The following DMD variants were observed in gnomAD, a reference collection of about 807,000 sequenced individuals.
The protein encoded by DMD is dystrophin, also known as mutant dystrophin.
DMD carries 63 observed loss-of-function variants against 330.1 expected under a neutral mutation model. That is an observed-to-expected ratio of 0.19 (90% CI 0.16 to 0.24). DMD has a LOEUF of 0.24. DMD is among the 10% of genes least tolerant of loss of function. The pLI, the probability that DMD is intolerant of heterozygous loss-of-function variation, is 1.00. For missense variants in DMD, 3,344 were observed against 2,684.1 expected, an observed-to-expected ratio of 1.25 and a Z score of -5.43; for synonymous variants, 1,223 against 959.8, an observed-to-expected ratio of 1.27 and a Z score of -5.07.
chrX:31,613,267 C>A (rs1320252646), intron 55 of DMD, among the ~76,000 whole-genome samples: 6 of 112,031 alleles, frequency 5.4e-5, no homozygotes, highest in Non-Finnish European at 1.1e-4. Flanking sequence ...CAAAACCATT[C>A]TTGCTTTTAG....
chrX:32,158,779 A>G (rs2096839109), intron 44 of DMD, among the ~76,000 whole-genome samples: 1 of 111,775 alleles, frequency 8.9e-6, no homozygotes, highest in Non-Finnish European at 1.9e-5. Flanking sequence ...TACCACTACA[A>G]ACAGTTTGGA....
chrX:31,553,035 T>C (rs1409078332), intron 55 of DMD, among the ~76,000 whole-genome samples: 4 of 111,662 alleles, frequency 3.6e-5, no homozygotes, highest in Admixed American at 9.5e-5. Flanking sequence ...TTTCCCTTTC[T>C]TCAGAGCAGA....
intron 44 of DMD, among the ~76,000 whole-genome samples, chrX:32,050,163 C>A (rs78706613): frequency 0.21 from 23,140 of 110,621 alleles, 1,852 homozygotes; most frequent in African/African-American, 0.3. Context: ...TGTTCATAGA[C>A]TCTTGATTTT....
At chrX:31,396,168 C>T (rs918031722) in intron 60 of DMD, among the ~76,000 whole-genome samples, 13 of 102,165 alleles carry the variant, frequency 1.3e-4, no homozygotes, top group Admixed American at 5.6e-4. Context: ...GACGGAGTCT[C>T]GCTCTGTGGC....
At chrX:31,678,129 T>A (rs2082178823) in intron 53 of DMD, among the ~76,000 whole-genome samples, 1 of 112,343 alleles carries the variant, frequency 8.9e-6, no homozygotes, top group Non-Finnish European at 1.9e-5. Flanking sequence ...GAAAGCAGTC[T>A]TTATTGTGTT....
chrX:32,269,849 G>A (rs1207332942), intron 43 of DMD, among the ~76,000 whole-genome samples: 1 of 111,992 alleles, frequency 8.9e-6, no homozygotes, highest in Admixed American at 9.5e-5. Flanking sequence ...CAAATTTAAT[G>A]GAGTCCTTCC....
intron 7 of DMD, among the ~76,000 whole-genome samples, chrX:32,711,349 C>G (rs1394421536): frequency 1.8e-5 from 2 of 110,910 alleles, no homozygotes; most frequent in Non-Finnish European, 3.8e-5. Context: ...CTTGGTATAA[C>G]TATCTCAATT....
intron 1 of DMD, among the ~76,000 whole-genome samples, chrX:33,207,095 C>G (rs1231265672): frequency 9.0e-6 from 1 of 111,076 alleles, no homozygotes; most frequent in Non-Finnish European, 1.9e-5. Context: ...CATAAGACAG[C>G]AGAGCCATTT....
Position 32,468,428 on chromosome X carries a change from G to C in DMD, c.3162+70C>G, listed in dbSNP as rs1282043025. On this transcript the variant is annotated intron_variant, in intron 23 of 78. Transcript: ENST00000357033. ...GGTCAAATGCTTATGTACCTTTACAGTTTACAGTGTATCGTTAGGGAAAAA... is the reference window on the plus strand; with the variant it reads ...GGTCAAATGCTTATGTACCTTTACACTTTACAGTGTATCGTTAGGGAAAAA... The C allele has an allele frequency of 9.5e-6, 9 of 948,843 alleles. No homozygotes were observed. In the African/African-American group the frequency reaches 1.4e-4, roughly 14 times the overall value. 78.2% of individuals were successfully genotyped at this position (948,843 alleles called of 1,213,427 possible).
At chrX:32,801,413 C>T (rs1238161016) in intron 7 of DMD, among the ~76,000 whole-genome samples, 1 of 111,459 alleles carries the variant, frequency 9.0e-6, no homozygotes, top group Non-Finnish European at 1.9e-5. Flanking sequence ...TGGATATTAG[C>T]CCTTTGTCAG....
chrX:31,974,898 TTATATATA>T (rs57982168), intron 44 of DMD, among the ~76,000 whole-genome samples: 2 of 105,583 alleles, frequency 1.9e-5, no homozygotes, highest in South Asian at 8.3e-4. Flanking sequence ...TTCATATCAA[TTATATATA>T]TATATATAGA....
chrX:31,851,804 T>A (rs924516491), intron 48 of DMD, among the ~76,000 whole-genome samples: 1 of 111,301 alleles, frequency 9.0e-6, no homozygotes, highest in Non-Finnish European at 1.9e-5. Flanking sequence ...ATAAGAGACT[T>A]AGGTATGGGG....
At chrX:31,418,829 T>C (rs1428039791) in intron 60 of DMD, among the ~76,000 whole-genome samples, 1 of 112,857 alleles carries the variant, frequency 8.9e-6, no homozygotes, top group African/African-American at 3.2e-5. Context: ...GCAAATGTCT[T>C]AGATTGGTAA....
chrX:32,337,829 C>G (rs955829170), intron 41 of DMD, among the ~76,000 whole-genome samples: 6 of 110,940 alleles, frequency 5.4e-5, no homozygotes, highest in African/African-American at 2.0e-4. Flanking sequence ...CTGTGTTTTC[C>G]TTGGTGGCAC....
At chrX:31,266,862 C>T (rs369430504) in intron 62 of DMD, 18 of 1,200,830 alleles carry the variant, frequency 1.5e-5, no homozygotes, top group Non-Finnish European at 1.8e-5. Flanking sequence ...AGTGTGGGTA[C>T]GAGTGGAGGA....
intron 60 of DMD, among the ~76,000 whole-genome samples, chrX:31,349,471 G>A (rs765906680): frequency 8.9e-5 from 10 of 112,393 alleles, no homozygotes; most frequent in African/African-American, 2.3e-4. Flanking sequence ...CTTAAATTTG[G>A]GATAAAATAG....
intron 44 of DMD, among the ~76,000 whole-genome samples, chrX:32,017,589 G>A (rs768671567): frequency 8.9e-6 from 1 of 111,762 alleles, no homozygotes; most frequent in East Asian, 2.8e-4. Flanking sequence ...GCAGCAAAAT[G>A]ATTAACTCGG....
chrX:31,147,594 C>G, intron 74 of DMD, 76 bp from the exon 75 acceptor site: 4 of 833,733 alleles, frequency 4.8e-6, no homozygotes, highest in Non-Finnish European at 6.8e-6. Flanking sequence ...ATTTGAATAT[C>G]ATCACCAAAT....
chrX:31,210,831 GA>G (rs1217631258), intron 64 of DMD, among the ~76,000 whole-genome samples: 1 of 112,096 alleles, frequency 8.9e-6, no homozygotes, highest in Non-Finnish European at 1.9e-5. Context: ...TAAATATTAA[GA>G]AAAAAACAAA....
Sources: allele counts gnomAD v4.1 joint callset (sites outside exome capture counted in the v4.1 genomes callset), GRCh38; gene constraint gnomAD v4.1.1; transcripts MANE v1.5; gene names NCBI Gene and HGNC (gene_info 2026-07-23, HGNC 2026-07-21).